Variants in TRIM36 observed in about 807,000 individuals in gnomAD.
The protein encoded by TRIM36 is tripartite motif containing 36, also known as E3 ubiquitin-protein ligase TRIM36.
A neutral mutation model predicts 72.4 loss-of-function variants in TRIM36; 42 were observed. The observed-to-expected ratio is 0.58, with a 90% CI of 0.45 to 0.75. TRIM36 has a LOEUF of 0.75. Among genes scored for constraint, TRIM36 ranks in the 30% least tolerant of loss-of-function variants. The probability of loss-of-function intolerance (pLI) is 0.00; values close to 1 mark genes in which losing one functional copy is unlikely to be tolerated. For synonymous variants in TRIM36, 315 were observed against 282.8 expected (o/e 1.11, Z -1.14); for missense variants, 913 against 857.1 (o/e 1.07, Z -0.81).
chr5:115,144,472 G>A (rs1753466270), intron 4 of TRIM36, 126 bp downstream of exon 4: 2 of 1,182,932 alleles, frequency 1.7e-6, no homozygotes, highest in African/African-American at 1.6e-5. Context: ...AGATCGCTAA[G>A]TAACACTTTA....
At chr5:115,165,641 C>T (rs543548401) in intron 1 of TRIM36, among the ~76,000 whole-genome samples, 1 of 152,326 alleles carries the variant, frequency 6.6e-6, no homozygotes, top group African/African-American at 2.4e-5. Flanking sequence ...TGGGAAGGCA[C>T]AGCCGGACCT....
intron 4 of TRIM36, 64 bp downstream of exon 4, chr5:115,144,533 GA>G: frequency 6.3e-7 from 1 of 1,586,442 alleles, no homozygotes; most frequent in Non-Finnish European, 8.6e-7. Flanking sequence ...TTTTATAAAT[GA>G]AAAGTTAAAG....
Position 115,169,855 on chromosome 5 carries a change from T to G in TRIM36, c.-221A>C. ...AGAAGCGAGCTTTGCTCCCAGCGAC[T>G]ACCCCGGGAATCCCGCCCAGCTGCC... On this transcript the variant is annotated 5_prime_UTR_variant, in exon 1 of 10. Transcript: ENST00000513154. 1 of 1,304,754 alleles carries G rather than the reference T, an allele frequency of 7.7e-7. No individual in the cohort carries two copies. The highest frequency in any genetic ancestry group is 3.8e-5 in the Admixed American group (1 of 25,990). 80.8% of individuals were successfully genotyped at this position (1,304,754 alleles called of 1,614,324 possible). A position where few individuals can be genotyped will look rare whatever the true frequency, so the allele number is the denominator to read the frequency against.
At chr5:115,171,001 C>A, upstream of TRIM36, 1 of 1,537,638 alleles carries the variant, frequency 6.5e-7, no homozygotes, top group Non-Finnish European at 8.8e-7. Flanking sequence ...CACTGCCTTT[C>A]TGGCTAGCTA....
At chr5:115,169,251 G>A (rs1331937069) in intron 1 of TRIM36, among the ~76,000 whole-genome samples, 1 of 152,226 alleles carries the variant, frequency 6.6e-6, no homozygotes, top group Non-Finnish European at 1.5e-5. Flanking sequence ...CGCGAGGGAC[G>A]CGCCCCAGCT....
At chr5:115,161,815 A>T (rs1351013271) in intron 2 of TRIM36, among the ~76,000 whole-genome samples, 1 of 151,942 alleles carries the variant, frequency 6.6e-6, no homozygotes, top group African/African-American at 2.4e-5. Flanking sequence ...TCAAATATTT[A>T]TTGTCTCCAT....
At chr5:115,156,312 AT>A (rs1754178944) in intron 2 of TRIM36, among the ~76,000 whole-genome samples, 1 of 152,006 alleles carries the variant, frequency 6.6e-6, no homozygotes, top group Non-Finnish European at 1.5e-5. Flanking sequence ...AAAAAAAAAA[AT>A]TCTAAAATTC....
chr5:115,161,460 T>C (rs1378833666), intron 2 of TRIM36, among the ~76,000 whole-genome samples: 2 of 152,238 alleles, frequency 1.3e-5, no homozygotes, highest in Non-Finnish European at 2.9e-5. Flanking sequence ...CTTCAGATAC[T>C]GATGGCCCAA....
chr5:115,160,202 C>T (rs984202239), intron 2 of TRIM36, among the ~76,000 whole-genome samples: 2 of 151,774 alleles, frequency 1.3e-5, no homozygotes, highest in African/African-American at 4.8e-5. Flanking sequence ...TCAAGGTACC[C>T]TTTAAAAAAA....
chr5:115,140,782 G>A (rs1185707524), intron 5 of TRIM36, among the ~76,000 whole-genome samples: 7 of 152,064 alleles, frequency 4.6e-5, no homozygotes, highest in Non-Finnish European at 1.0e-4. Context: ...ATGGGCATGT[G>A]GGTAGATCCC....
At chr5:115,159,807 T>G in intron 2 of TRIM36, 1 of 380,134 alleles carries the variant, frequency 2.6e-6, no homozygotes. Context: ...AATGTGTTTT[T>G]CCTGGTACAC....
intron 7 of TRIM36, among the ~76,000 whole-genome samples, chr5:115,135,278 T>A (rs1420639063): frequency 3.9e-5 from 6 of 152,206 alleles, no homozygotes; most frequent in Non-Finnish European, 8.8e-5. Context: ...GAAGCAGAAG[T>A]CTCTTTCCTC....
At chr5:115,166,911 C>A (rs1178266705) in intron 1 of TRIM36, among the ~76,000 whole-genome samples, 1 of 152,162 alleles carries the variant, frequency 6.6e-6, no homozygotes, top group Admixed American at 6.5e-5. Flanking sequence ...GCACCTGGAC[C>A]TGCCTGCCCC....
chr5:115,165,075 T>C (rs1227662851), intron 1 of TRIM36, among the ~76,000 whole-genome samples: 17 of 152,184 alleles, frequency 1.1e-4, no homozygotes, highest in African/African-American at 4.1e-4. Flanking sequence ...ATCCAAAGGG[T>C]GGACTGCCAT....
intron 7 of TRIM36, 115 bp from the exon 8 acceptor site, chr5:115,134,262 T>C: frequency 2.2e-6 from 2 of 893,584 alleles, no homozygotes; most frequent in Non-Finnish European, 1.5e-6. Context: ...ACTAATACTT[T>C]TCTAAATTTA....
At chr5:115,144,993 T>C (rs1753504245) in intron 3 of TRIM36, among the ~76,000 whole-genome samples, 1 of 152,226 alleles carries the variant, frequency 6.6e-6, no homozygotes, top group Non-Finnish European at 1.5e-5. Context: ...TGAACATGCC[T>C]GATCTCGTCA....
At chr5:115,152,429 A>C (rs1753942867) in intron 2 of TRIM36, among the ~76,000 whole-genome samples, 1 of 152,212 alleles carries the variant, frequency 6.6e-6, no homozygotes, top group Non-Finnish European at 1.5e-5. Context: ...GAGAAATCTA[A>C]AAGTTTGGAA....
chr5:115,133,521 A>T (rs1252038440), intron 8 of TRIM36, among the ~76,000 whole-genome samples: 1 of 152,222 alleles, frequency 6.6e-6, no homozygotes, highest in Non-Finnish European at 1.5e-5. Context: ...AGATTTCCAT[A>T]AACCAAAAAT....
chr5:115,171,117 G>A (rs758209969), upstream of TRIM36: 1 of 1,614,242 alleles, frequency 6.2e-7, no homozygotes, highest in Admixed American at 1.7e-5. Context: ...GTTTTAAAAT[G>A]CTTCCCACTT....
Sources: allele counts gnomAD v4.1 joint callset (sites outside exome capture counted in the v4.1 genomes callset), GRCh38; gene constraint gnomAD v4.1.1; transcripts MANE v1.5; gene names NCBI Gene and HGNC (gene_info 2026-07-23, HGNC 2026-07-21).